Variants in CHIA observed in about 807,000 individuals in gnomAD.
The protein encoded by CHIA is chitinase acidic, also known as acidic mammalian chitinase.
CHIA carries 47 observed loss-of-function variants against 53.5 expected under a neutral mutation model. The ratio of observed to expected loss-of-function variants is 0.88; its 90% confidence interval spans 0.70 to 1.12. CHIA has a LOEUF of 1.12. Ranked by LOEUF, CHIA falls within the 50% of genes most tolerant of loss-of-function variation. The probability of loss-of-function intolerance (pLI) is 0.00; values close to 1 mark genes in which losing one functional copy is unlikely to be tolerated. For synonymous variants in CHIA, 268 were observed against 222.2 expected, an observed-to-expected ratio of 1.21 and a Z score of -1.83; for missense variants, 652 against 592.2, an observed-to-expected ratio of 1.10 and a Z score of -1.05.
chr1:111,308,291 C>A (rs1648363232), intron 1 of CHIA, among the ~76,000 whole-genome samples: 1 of 152,198 alleles, frequency 6.6e-6, no homozygotes, highest in Non-Finnish European at 1.5e-5. Flanking sequence ...AAACCTGGAG[C>A]TACTGGCTTT....
chr1:111,320,042 A>G (rs1241671695), intron 11 of CHIA, among the ~76,000 whole-genome samples, 171 bp from the exon 12 acceptor site: 1 of 152,180 alleles, frequency 6.6e-6, no homozygotes, highest in Non-Finnish European at 1.5e-5. Context: ...TTGACACAAT[A>G]GCTTTATTTA....
At chr1:111,307,001 G>A (rs983692311) in intron 1 of CHIA, among the ~76,000 whole-genome samples, 4 of 152,190 alleles carry the variant, frequency 2.6e-5, no homozygotes, top group Non-Finnish European at 5.9e-5. Context: ...GTTGCTGTTG[G>A]TAGTGTAAAT....
chr1:111,300,461 G>C (rs538694713), intron 1 of CHIA, among the ~76,000 whole-genome samples: 1 of 152,154 alleles, frequency 6.6e-6, no homozygotes, highest in African/African-American at 2.4e-5. Flanking sequence ...TGACAAACCT[G>C]ACAAAAACAA....
At chr1:111,307,790 T>G (rs1648309791) in intron 1 of CHIA, among the ~76,000 whole-genome samples, 1 of 152,052 alleles carries the variant, frequency 6.6e-6, no homozygotes, top group African/African-American at 2.4e-5. Flanking sequence ...TACAGGCACC[T>G]GCCACCACAC....
chr1:111,320,183 C>G, intron 11 of CHIA, 30 bp from the exon 12 acceptor site: 8 of 1,599,816 alleles, frequency 5.0e-6, no homozygotes, highest in Non-Finnish European at 6.8e-6. Context: ...CCCAAGCCCA[C>G]TAGTCTGCTC....
chr1:111,302,843 G>A (rs982045422), intron 1 of CHIA, among the ~76,000 whole-genome samples: 4 of 151,726 alleles, frequency 2.6e-5, no homozygotes, highest in Non-Finnish European at 5.9e-5. Context: ...ACTGAGAACG[G>A]GCTATTGAAG....
At chr1:111,312,132 CA>C in intron 3 of CHIA, 57 bp from the exon 4 acceptor site, 1 of 1,423,682 alleles carries the variant, frequency 7.0e-7, no homozygotes, top group Non-Finnish European at 9.9e-7. Flanking sequence ...CCAAAACTCA[CA>C]GCACACTTCA....
At chr1:111,308,448 T>G (rs1404676156) in intron 1 of CHIA, among the ~76,000 whole-genome samples, 1 of 152,232 alleles carries the variant, frequency 6.6e-6, no homozygotes, top group African/African-American at 2.4e-5. Context: ...GATCTGGTGT[T>G]TAATAGCTGA....
chr1:111,308,637 C>T (rs1648416277), intron 1 of CHIA, among the ~76,000 whole-genome samples: 1 of 152,072 alleles, frequency 6.6e-6, no homozygotes, highest in Non-Finnish European at 1.5e-5. Context: ...TCCAAGTGCC[C>T]TGCCCTTTCC....
chr1:111,305,328 G>C (rs575869652), intron 1 of CHIA, among the ~76,000 whole-genome samples: 2 of 152,308 alleles, frequency 1.3e-5, no homozygotes, highest in South Asian at 4.2e-4. Flanking sequence ...ATCCAGAGGG[G>C]AAGTAGCTTG....
chr1:111,319,317 C>T lies in CHIA; in HGVS notation c.1036-10C>T. On this transcript the variant is annotated splice_polypyrimidine_tract_variant and intron_variant, in intron 10 of 11. Transcript: ENST00000369740. Reference sequence around the variant, plus strand: ...GCAAGTGATTCCTGTTATCCTCTTTCTTTAAACAGGCTCAATGGCTTAAGC... The same window carrying T: ...GCAAGTGATTCCTGTTATCCTCTTTTTTTAAACAGGCTCAATGGCTTAAGC... 6.2e-7 allele frequency: 1 copy of T among 1,614,216 alleles called. No homozygotes were observed.
intron 4 of CHIA, among the ~76,000 whole-genome samples, chr1:111,312,849 C>T (rs866788981): frequency 1.1e-4 from 17 of 148,336 alleles, no homozygotes; most frequent in Admixed American, 4.0e-4. Context: ...CTACTATATA[C>T]TTCTATGAGT....
At chr1:111,296,144 CA>C (rs1450137305) in intron 1 of CHIA, among the ~76,000 whole-genome samples, 2 of 152,226 alleles carry the variant, frequency 1.3e-5, no homozygotes, top group Non-Finnish European at 2.9e-5. Flanking sequence ...CATAGCTGAA[CA>C]AAAGGCAGCA....
intron 1 of CHIA, among the ~76,000 whole-genome samples, chr1:111,300,783 A>C (rs1557735260): frequency 6.6e-6 from 1 of 152,206 alleles, no homozygotes; most frequent in Non-Finnish European, 1.5e-5. Flanking sequence ...CTACTATCAG[A>C]GTGAAAGGGC....
intron 2 of CHIA, 94 bp from the exon 3 acceptor site, chr1:111,311,595 T>C: frequency 7.0e-7 from 1 of 1,434,974 alleles, no homozygotes; most frequent in Admixed American, 1.7e-5. Context: ...TTGTAACAAT[T>C]TATGGCAAAT....
chr1:111,313,646 C>T (rs1291352163), intron 4 of CHIA, among the ~76,000 whole-genome samples: 2 of 152,122 alleles, frequency 1.3e-5, no homozygotes, highest in Non-Finnish European at 2.9e-5. Flanking sequence ...AGCTTTTTAG[C>T]CTGATGTAAT....
In CHIA at chr1:111,320,115, A is replaced by G; in HGVS notation, c.1178-98A>G. 7 of 1,090,124 alleles carry G rather than the reference A, an allele frequency of 6.4e-6. No individual in the cohort carries two copies. The South Asian group carries it at 1.0e-4, about 16-fold the overall frequency. 67.5% of individuals were successfully genotyped at this position (1,090,124 alleles called of 1,614,324 possible). A position where few individuals can be genotyped will look rare whatever the true frequency, so the allele number is the denominator to read the frequency against. On this transcript the variant is annotated intron_variant, in intron 11 of 11. Coordinates refer to ENST00000369740, the MANE Select transcript of CHIA (RefSeq NM_201653.4). The stretch of plus-strand genomic sequence containing the variant: ...AGGGATCCAGAGCCAACTGCACCCC[A>G]CCTCCACACTTCCACTCCCACAGTT...
Position 111,314,559 on chromosome 1 carries a change from CT to C in CHIA, c.278del (p.Leu93ProfsTer86). ...LKNKNSQLKTLLAIGGWNFGT... is the reference protein window; with the variant it reads ...LKNKNSQLKTXLAIGGWNFGT... ...TTACAGGAACAGCCAGCTGAAAACT[CT>C]CCTGGCCATTGGAGGCTGGAACTTC... is the stretch of plus-strand genomic sequence containing the variant. On this transcript the variant is annotated frameshift_variant, in exon 5 of 12. Coordinates refer to ENST00000369740, the MANE Select transcript of CHIA (RefSeq NM_201653.4). LOFTEE classifies it high-confidence loss of function. 3.1e-6 allele frequency: 5 copies of C among 1,613,086 alleles called. No homozygotes were observed. The highest frequency in any genetic ancestry group is 4.2e-6 in the Non-Finnish European group (5 of 1,179,040).
intron 1 of CHIA, among the ~76,000 whole-genome samples, chr1:111,292,428 T>C (rs949324807): frequency 1.3e-5 from 2 of 152,192 alleles, no homozygotes; most frequent in African/African-American, 4.8e-5. Context: ...TGGACAGATG[T>C]GGGAGAATGC....
Sources: gnomAD v4.1 joint callset for allele counts (sites outside exome capture counted in the v4.1 genomes callset) on GRCh38, gnomAD v4.1.1 for gene constraint, MANE v1.5 for transcripts, NCBI Gene and HGNC (gene_info 2026-07-23, HGNC 2026-07-21) for gene names.